Variants in GSE1 observed in about 807,000 individuals in gnomAD.
GSE1 encodes the protein Gse1 coiled-coil protein, also known as genetic suppressor element 1.
In GSE1, 32 loss-of-function variants were observed where a neutral mutation model predicts 112.6. The ratio of observed to expected loss-of-function variants is 0.28; its 90% CI spans 0.21 to 0.38. GSE1 has a LOEUF of 0.38. Among genes scored for constraint, GSE1 ranks in the 10% least tolerant of loss-of-function variants. GSE1 has a pLI of 1.00. For synonymous variants in GSE1, 1,115 were observed against 735.6 expected, an observed-to-expected ratio of 1.52 and a Z score of -8.35; for missense variants, 2,348 against 1,699.2, an observed-to-expected ratio of 1.38 and a Z score of -6.71.
intron 1 of GSE1, among the ~76,000 whole-genome samples, chr16:85,244,379 C>G (rs1469068398): frequency 6.6e-6 from 1 of 152,174 alleles, no homozygotes. Context: ...TTCTCTAGAG[C>G]CTCCAGAAGG....
intron 1 of GSE1, among the ~76,000 whole-genome samples, chr16:85,353,649 C>A (rs1262463759): frequency 6.6e-6 from 1 of 151,870 alleles, no homozygotes; most frequent in Non-Finnish European, 1.5e-5. Flanking sequence ...GCCTCGGCAA[C>A]AAGCAAGACC....
At chr16:85,540,723 T>C (rs1323135152) in intron 2 of GSE1, among the ~76,000 whole-genome samples, 2 of 152,162 alleles carry the variant, frequency 1.3e-5, no homozygotes, top group Non-Finnish European at 2.9e-5. Context: ...GAGACCAGCC[T>C]GAGCAACATG....
intron 2 of GSE1, among the ~76,000 whole-genome samples, chr16:85,517,540 G>C (rs2051991872): frequency 6.6e-6 from 1 of 152,202 alleles, no homozygotes; most frequent in African/African-American, 2.4e-5. Context: ...GAAGCGGTTT[G>C]CCTGGAGAGA....
chr16:85,631,011 G>T (rs1304315930), intron 1 of GSE1, among the ~76,000 whole-genome samples: 2 of 138,026 alleles, frequency 1.4e-5, no homozygotes, highest in South Asian at 2.2e-4. Context: ...AGTATCCCCT[G>T]GGGGGGTGGT....
intron 2 of GSE1, among the ~76,000 whole-genome samples, chr16:85,446,377 A>G (rs1358973528): frequency 6.6e-6 from 1 of 152,136 alleles, no homozygotes; most frequent in Non-Finnish European, 1.5e-5. Flanking sequence ...AGGGATAAAA[A>G]CAGAACTGAA....
Position 85,661,669 on chromosome 16 carries a change from C to G in GSE1, c.2164C>G (p.Pro722Ala). Residue 722 changes from proline (P) to alanine (A), a missense_variant, in exon 9 of 16, where the codon CCT (proline) becomes GCT (alanine). Pro to Ala is a conservative substitution (Grantham distance 27). Transcript: ENST00000253458. ...YRPPVPRAPD[P>A]AYIYDEFLQQ... ...GCCCCCAGTGCCACGGGCCCCCGACCCTGCCTACATCTATGATGAGTTCCT... is the reference window on the plus strand; with the variant it reads ...GCCCCCAGTGCCACGGGCCCCCGACGCTGCCTACATCTATGATGAGTTCCT... 1 of 1,610,882 alleles carries G rather than the reference C, an allele frequency of 6.2e-7. No individual in the cohort carries two copies. Among genetic ancestry groups the G allele is most frequent in the Non-Finnish European group, 8.5e-7 (1 of 1,179,296 alleles).
intron 14 of GSE1, among the ~76,000 whole-genome samples, chr16:85,668,863 T>G (rs1213231290): frequency 6.6e-6 from 1 of 152,144 alleles, no homozygotes; most frequent in East Asian, 1.9e-4. Flanking sequence ...GGCCGGTGGG[T>G]GCCAGTCATG....
In GSE1 at chr16:85,655,797, C is replaced by T. The variant is rs977048033; in HGVS notation, c.869C>T (p.Pro290Leu). Reference protein sequence around the residue: ...FYPIPTPGSLPPLHPSAMHLH... With the variant: ...FYPIPTPGSLLPLHPSAMHLH... The stretch of plus-strand genomic sequence containing the variant: ...CCCATCCCCACCCCCGGCTCCCTGC[C>T]CCCACTGCACCCATCAGCGATGCAC... Residue 290 changes from proline (P) to leucine (L), a missense_variant, in exon 6 of 16, where the codon CCC (proline) becomes CTC (leucine). Pro to Leu is a moderately conservative substitution (Grantham distance 98). Transcript: ENST00000253458. 14 of 1,609,098 alleles carry T rather than the reference C, an allele frequency of 8.7e-6. No homozygotes were observed. The highest frequency in any genetic ancestry group is 4.5e-5 in the East Asian group (2 of 44,886).
intron 1 of GSE1, chr16:85,284,877 T>C (rs755233709): frequency 4.6e-5 from 7 of 152,186 alleles, no homozygotes; most frequent in Non-Finnish European, 1.0e-4. Flanking sequence ...GGTTCTTTTT[T>C]GGTATTAGAG....
Position 85,495,959 on chromosome 16 carries a change from C to G in GSE1, c.2465-137955C>G, listed in dbSNP as rs533944607. Reference sequence around the variant, plus strand: ...ACCTGGGGTGATTCATCGAGCATCCCTCGGTCTCAGACTCCTCATTTGTCA... The same window carrying G: ...ACCTGGGGTGATTCATCGAGCATCCGTCGGTCTCAGACTCCTCATTTGTCA... On this transcript the variant is annotated intron_variant, in intron 2 of 2. Coordinates refer to the GSE1 transcript ENST00000637419. Among the ~76,000 whole-genome samples the G allele has an allele frequency of 1.8e-4, 28 of 152,312 alleles. No individual in the cohort carries two copies. The South Asian group carries it at 5.6e-3, about 30-fold the overall frequency.
chr16:85,624,387 G>A (rs1447131999), intron 1 of GSE1, among the ~76,000 whole-genome samples: 1 of 152,232 alleles, frequency 6.6e-6, no homozygotes, highest in Non-Finnish European at 1.5e-5. Context: ...TAGCACAGGT[G>A]CCCTCTGGCT....
chr16:85,498,430 GAC>G (rs1165994588), intron 2 of GSE1, among the ~76,000 whole-genome samples: 1 of 151,754 alleles, frequency 6.6e-6, no homozygotes, highest in Non-Finnish European at 1.5e-5. Flanking sequence ...GACACACACG[GAC>G]ACACAGATAC....
chr16:85,409,349 G>A (rs1386424752), intron 2 of GSE1, among the ~76,000 whole-genome samples: 1 of 39,582 alleles, frequency 2.5e-5, no homozygotes. Context: ...GGCCCCCCTG[G>A]ATAATCCTCA....
intron 4 of GSE1, 84 bp from the exon 5 acceptor site, chr16:85,654,710 G>A (rs2151921459): frequency 1.2e-6 from 1 of 868,838 alleles, no homozygotes; most frequent in Non-Finnish European, 1.9e-6. Flanking sequence ...CGCCAGGGGT[G>A]ATGCAGGGAG....
rs909679094 is a variant in GSE1 at position 85,674,598 on chromosome 16, C to G, written c.*2059C>G. 2.0e-5 allele frequency: 3 copies of G among 152,360 alleles called. No homozygotes were observed. The highest frequency in any genetic ancestry group is 7.2e-5 in the African/African-American group (3 of 41,582). The allele number at this position is 152,360 out of a possible 1,614,324, so 9.4% of individuals were successfully genotyped here. ...AGCACTTCCGCTCTCAGGCCTCCTC[C>G]TCCATCACAGATGTCTGGATGCTTT... On this transcript the variant is annotated 3_prime_UTR_variant, in exon 16 of 16. Coordinates refer to ENST00000253458, the MANE Select transcript of GSE1 (RefSeq NM_014615.5).
rs754374879 is a variant in GSE1 at position 85,656,529 on chromosome 16, G to A, written c.1176G>A (p.Arg392=). The A allele has an allele frequency of 8.4e-6, 13 of 1,549,106 alleles. No individual in the cohort carries two copies. The South Asian group carries it at 1.2e-4, about 14-fold the overall frequency. The stretch of plus-strand genomic sequence containing the variant: ...AGCTGGAGCGCCAGCGGGAGCAGCG[G>A]GCCCGGGAGAAGGAGCTGCTGGCCG... ...ERELERQREQ[R]AREKELLAAK... is the part of the protein sequence containing the mutation. Residue 392 remains arginine (R), a synonymous_variant, in exon 7 of 16, where the codon CGG becomes CGA. Transcript: ENST00000253458.
At position 85,661,201 on chromosome 16, in the gene GSE1, G is replaced by A; in HGVS notation, c.1696G>A (p.Gly566Arg). ...GGRDPPQHFG[G>R]PPPLISPKPQ... ...CCGTGACCCTCCGCAGCACTTTGGG[G>A]GGCCACCACCTCTGATTTCGCCCAA... The change falls in exon 9 of 16, where the codon GGG becomes AGG. Residue 566 changes from glycine (G) to arginine (R), a missense_variant. By Grantham distance (125) the Gly-to-Arg change is moderately radical (BLOSUM62 -2). Coordinates refer to ENST00000253458, the MANE Select transcript of GSE1 (RefSeq NM_014615.5). 1.9e-6 allele frequency: 3 copies of A among 1,605,954 alleles called. No individual in the cohort carries two copies. The highest frequency in any genetic ancestry group is 2.6e-6 in the Non-Finnish European group (3 of 1,174,396).
rs564297177 is a variant in GSE1 at position 85,657,216 on chromosome 16, G to A, written c.1313-61G>A. ...TCTGGGCAGTTGGGTGAGAGAGGAC[G>A]GGGAGGGAGCATGCTGGCCCACGTG... On this transcript the variant is annotated intron_variant, in intron 7 of 15. Transcript: ENST00000253458. 424 of 1,175,638 alleles carry A rather than the reference G, an allele frequency of 3.6e-4. 2 individuals are homozygous for A. The highest frequency in any genetic ancestry group is 3.2e-3 in the Admixed American group (134 of 41,630). 72.8% of individuals were successfully genotyped at this position (1,175,638 alleles called of 1,614,324 possible). A position where few individuals can be genotyped will look rare whatever the true frequency, so the allele number is the denominator to read the frequency against.
intron 1 of GSE1, among the ~76,000 whole-genome samples, chr16:85,247,429 C>T (rs1016765042): frequency 6.6e-6 from 1 of 152,230 alleles, no homozygotes; most frequent in South Asian, 2.1e-4. Context: ...GAGGACTGTA[C>T]AGGCTCCAGA....
Sources: allele counts gnomAD v4.1 joint callset (sites outside exome capture counted in the v4.1 genomes callset), GRCh38; gene constraint gnomAD v4.1.1; transcripts MANE v1.5; gene names NCBI Gene and HGNC (gene_info 2026-07-23, HGNC 2026-07-21).